RAB3C: variants seen among roughly 807,000 people sequenced by gnomAD.
RAB3C encodes the protein ras-related protein Rab-3C.
RAB3C carries 17 observed loss-of-function variants against 26.4 expected under a neutral mutation model. The ratio of observed to expected loss-of-function variants is 0.64; its 90% CI spans 0.44 to 0.97. The LOEUF (loss-of-function observed/expected upper bound fraction) is 0.97. Ranked by LOEUF, RAB3C falls within the 50% of genes least tolerant of loss-of-function variation. The pLI, the probability that RAB3C is intolerant of heterozygous loss-of-function variation, is 0.00. For missense variants in RAB3C, 242 were observed against 281.9 expected, an observed-to-expected ratio of 0.86 and a Z score of 1.01; for synonymous variants, 91 against 95.9, an observed-to-expected ratio of 0.95 and a Z score of 0.30.
intron 2 of RAB3C, among the ~76,000 whole-genome samples, chr5:58,670,737 C>T (rs1366362346): frequency 6.6e-6 from 1 of 152,202 alleles, no homozygotes; most frequent in East Asian, 1.9e-4. Context: ...CTTATGTCTG[C>T]TTTGGATGAC....
In RAB3C at chr5:58,827,039, T is replaced by C. The variant is rs996767932; in HGVS notation, c.496+1877T>C. On this transcript the variant is annotated intron_variant, in intron 4 of 4. Coordinates refer to ENST00000282878, the MANE Select transcript of RAB3C (RefSeq NM_138453.4). ...GCCACCCAGGAGAAAGTTACCTGGC[T>C]GGTGTACGGTCTCCTGTGGCAGCTT... 3.3e-5 allele frequency among the ~76,000 whole-genome samples: 5 copies of C among 152,250 alleles called. No individual in the cohort carries two copies. In the East Asian group the frequency reaches 9.6e-4, roughly 29 times the overall value.
At chr5:58,604,842 A>T (rs561149160) in intron 1 of RAB3C, among the ~76,000 whole-genome samples, 1 of 152,162 alleles carries the variant, frequency 6.6e-6, no homozygotes, top group African/African-American at 2.4e-5. Flanking sequence ...TTTTTGCCCT[A>T]TTAAAATTGT....
At chr5:58,799,910 AGAGT>A (rs1295394734) in intron 3 of RAB3C, among the ~76,000 whole-genome samples, 1 of 152,236 alleles carries the variant, frequency 6.6e-6, no homozygotes, top group East Asian at 1.9e-4. Context: ...GAACAAAAAA[AGAGT>A]GAGAAAAAGG....
rs141490526 is a variant in RAB3C at position 58,840,582 on chromosome 5, A to T, written c.497-10582A>T. ...CTACACTGATTTCTATGCACGTGGT[A>T]AAGTCACTTCTTCCAATTTTATGAA... is the stretch of plus-strand genomic sequence containing the variant. On this transcript the variant is annotated intron_variant, in intron 4 of 4. Transcript: ENST00000282878. 3.3e-5 allele frequency among the ~76,000 whole-genome samples: 5 copies of T among 152,280 alleles called. No homozygotes were observed. The East Asian group carries it at 9.6e-4, about 29-fold the overall frequency.
chr5:58,606,012 C>T (rs1746559718), intron 1 of RAB3C, among the ~76,000 whole-genome samples: 1 of 152,160 alleles, frequency 6.6e-6, no homozygotes, highest in South Asian at 2.1e-4. Flanking sequence ...TCTGCATTTC[C>T]AACTGAGGTA....
intron 2 of RAB3C, among the ~76,000 whole-genome samples, chr5:58,644,056 G>A (rs968733990): frequency 6.6e-6 from 1 of 152,036 alleles, no homozygotes; most frequent in African/African-American, 2.4e-5. Flanking sequence ...CCTGACCTCA[G>A]GTGATCCACC....
At chr5:58,713,955 A>C (rs1274011156) in intron 2 of RAB3C, among the ~76,000 whole-genome samples, 1 of 152,210 alleles carries the variant, frequency 6.6e-6, no homozygotes, top group East Asian at 1.9e-4. Context: ...GTTATAAGAT[A>C]ATAATCCTCA....
intron 2 of RAB3C, among the ~76,000 whole-genome samples, chr5:58,630,132 G>A (rs1043035627): frequency 2.0e-5 from 3 of 152,224 alleles, no homozygotes; most frequent in African/African-American, 7.2e-5. Context: ...GGTTTTGGGT[G>A]TCTGATAGCT....
intron 3 of RAB3C, among the ~76,000 whole-genome samples, chr5:58,773,361 T>C (rs1481755088): frequency 6.6e-6 from 1 of 152,082 alleles, no homozygotes; most frequent in African/African-American, 2.4e-5. Flanking sequence ...TAAGGGACTG[T>C]CCTAAATGAA....
At chr5:58,683,047 C>T (rs1203953580) in intron 2 of RAB3C, among the ~76,000 whole-genome samples, 1 of 152,094 alleles carries the variant, frequency 6.6e-6, no homozygotes, top group Non-Finnish European at 1.5e-5. Flanking sequence ...CTTTTTTGTA[C>T]CTTCAGCCTA....
chr5:58,587,272 C>T (rs1224178343), intron 1 of RAB3C, among the ~76,000 whole-genome samples: 1 of 152,096 alleles, frequency 6.6e-6, no homozygotes, highest in Admixed American at 6.6e-5. Context: ...CATCATATTC[C>T]AGGAAGGAAA....
chr5:58,818,822 A>T (rs1331010040), intron 3 of RAB3C, among the ~76,000 whole-genome samples: 1 of 152,200 alleles, frequency 6.6e-6, no homozygotes, highest in Non-Finnish European at 1.5e-5. Context: ...TCAAATAAGA[A>T]ATTTCACAAA....
intron 2 of RAB3C, among the ~76,000 whole-genome samples, chr5:58,658,057 A>G (rs1474950927): frequency 6.6e-6 from 1 of 152,214 alleles, no homozygotes; most frequent in Non-Finnish European, 1.5e-5. Context: ...TGCACACTTA[A>G]AAATACAGAG....
At chr5:58,822,759 C>A (rs1743372519) in intron 3 of RAB3C, 1 of 538,054 alleles carries the variant, frequency 1.9e-6, no homozygotes. Flanking sequence ...CATGAACTAC[C>A]AAAATAAGGT....
chr5:58,825,203 C>T (rs369910920), intron 4 of RAB3C, 41 bp downstream of exon 4: 53 of 1,581,398 alleles, frequency 3.4e-5, no homozygotes, highest in Non-Finnish European at 4.2e-5. Flanking sequence ...AGATAATTTG[C>T]TTATTATATG....
intron 2 of RAB3C, among the ~76,000 whole-genome samples, chr5:58,657,170 T>G (rs910681462): frequency 6.6e-6 from 1 of 152,126 alleles, no homozygotes; most frequent in East Asian, 1.9e-4. Flanking sequence ...CACTGATATG[T>G]GTGAGCTAAG....
chr5:58,673,687 G>A lies in RAB3C; in HGVS notation c.253-52315G>A, dbSNP rs553655059. Reference sequence around the variant, plus strand: ...TGGTTGACGTGTGTGGTGTGAATGTGGTGGTTGGATTTGCTTCTCTTAAAT... The same window carrying A: ...TGGTTGACGTGTGTGGTGTGAATGTAGTGGTTGGATTTGCTTCTCTTAAAT... On this transcript the variant is annotated intron_variant, in intron 2 of 4. Transcript: ENST00000282878. Among the ~76,000 whole-genome samples the A allele has an allele frequency of 2.0e-4, 31 of 152,242 alleles. No individual in the cohort carries two copies. The South Asian group carries it at 5.2e-3, about 25-fold the overall frequency.
intron 3 of RAB3C, among the ~76,000 whole-genome samples, chr5:58,726,408 A>G (rs1040327950): frequency 6.6e-6 from 1 of 151,970 alleles, no homozygotes; most frequent in Non-Finnish European, 1.5e-5. Flanking sequence ...GATTTTTTAA[A>G]ATATAAATAA....
intron 3 of RAB3C, among the ~76,000 whole-genome samples, chr5:58,769,842 T>C (rs530164760): frequency 6.6e-6 from 1 of 152,306 alleles, no homozygotes; most frequent in East Asian, 1.9e-4. Context: ...TTCTTTCTGA[T>C]AAAATATGAA....
Sources: allele counts gnomAD v4.1 joint callset (sites outside exome capture counted in the v4.1 genomes callset), GRCh38; gene constraint gnomAD v4.1.1; transcripts MANE v1.5; gene names NCBI Gene and HGNC (gene_info 2026-07-23, HGNC 2026-07-21).